UNC13C: variants seen among roughly 807,000 people sequenced by gnomAD.
UNC13C encodes the protein unc-13 homolog C, also known as protein unc-13 homolog C.
Under a neutral mutation model 245.4 loss-of-function variants are expected in UNC13C, and 174 were observed. The ratio of observed to expected loss-of-function variants is 0.71; its 90% confidence interval spans 0.63 to 0.80. The LOEUF (loss-of-function observed/expected upper bound fraction) is 0.80. UNC13C is among the 30% of genes least tolerant of loss of function. The probability of loss-of-function intolerance (pLI) is 0.00; values close to 1 mark genes in which losing one functional copy is unlikely to be tolerated. For synonymous variants in UNC13C, 992 were observed against 895.1 expected, an observed-to-expected ratio of 1.11 and a Z score of -1.93; for missense variants, 2,829 against 2,602.9, an observed-to-expected ratio of 1.09 and a Z score of -1.89.
intron 30 of UNC13C, among the ~76,000 whole-genome samples, chr15:54,584,766 A>G (rs1898400423): frequency 6.6e-6 from 1 of 152,248 alleles, no homozygotes; most frequent in South Asian, 2.1e-4. Context: ...TGGTCCTCTC[A>G]GTGACCCTAT....
At chr15:54,565,990 C>A (rs955110751) in intron 29 of UNC13C, among the ~76,000 whole-genome samples, 1 of 151,944 alleles carries the variant, frequency 6.6e-6, no homozygotes, top group African/African-American at 2.4e-5. Flanking sequence ...AATCATCTAT[C>A]ACTTTTGCTC....
intron 4 of UNC13C, among the ~76,000 whole-genome samples, chr15:54,157,738 G>T (rs184814158): frequency 1.4e-3 from 214 of 152,218 alleles, no homozygotes; most frequent in African/African-American, 5.0e-3. Flanking sequence ...CATGGTACTG[G>T]TATCAAAACA....
chr15:54,569,125 T>C (rs555163235), intron 30 of UNC13C, among the ~76,000 whole-genome samples: 2 of 152,274 alleles, frequency 1.3e-5, no homozygotes, highest in South Asian at 4.1e-4. Flanking sequence ...ATAAATAGTG[T>C]TGTAGCTTTA....
intron 19 of UNC13C, among the ~76,000 whole-genome samples, chr15:54,466,505 C>G (rs1892180002): frequency 6.6e-6 from 1 of 151,858 alleles, no homozygotes; most frequent in Admixed American, 6.6e-5. Flanking sequence ...TACTGGTATT[C>G]TGACGTATGT....
chr15:54,324,979 C>A (rs531969706), intron 14 of UNC13C, among the ~76,000 whole-genome samples: 1 of 151,844 alleles, frequency 6.6e-6, no homozygotes, highest in African/African-American at 2.4e-5. Flanking sequence ...TTTTTTTATT[C>A]CTCATCAGCT....
rs561606269 is a variant in UNC13C at position 54,122,420 on chromosome 15, C to G, written c.2984-20598C>G. ...TATATAATGAGATAATTTTAGGTTTCTTTTTTCAATCCTTTAACATGGTGA... is the reference window on the plus strand; with the variant it reads ...TATATAATGAGATAATTTTAGGTTTGTTTTTTCAATCCTTTAACATGGTGA... On this transcript the variant is annotated intron_variant, in intron 2 of 32. Coordinates refer to ENST00000260323, the MANE Select transcript of UNC13C (RefSeq NM_001080534.3). 3.3e-5 allele frequency among the ~76,000 whole-genome samples: 5 copies of G among 151,860 alleles called. No individual in the cohort carries two copies. The East Asian group carries it at 7.7e-4, about 23-fold the overall frequency.
At chr15:54,256,343 C>T (rs2036278846) in intron 8 of UNC13C, among the ~76,000 whole-genome samples, 1 of 152,144 alleles carries the variant, frequency 6.6e-6, no homozygotes, top group Non-Finnish European at 1.5e-5. Flanking sequence ...GACAATTCTA[C>T]GATATTGTGT....
intron 19 of UNC13C, among the ~76,000 whole-genome samples, chr15:54,429,524 A>G (rs562433681): frequency 6.6e-6 from 1 of 151,770 alleles, no homozygotes; most frequent in Non-Finnish European, 1.5e-5. Context: ...AACTATAACT[A>G]GTATTTCTCC....
intron 10 of UNC13C, among the ~76,000 whole-genome samples, chr15:54,286,666 G>A (rs1454302477): frequency 6.6e-6 from 1 of 152,068 alleles, no homozygotes; most frequent in Non-Finnish European, 1.5e-5. Flanking sequence ...CTCTATATCT[G>A]AAAATATTTG....
intron 26 of UNC13C, among the ~76,000 whole-genome samples, chr15:54,537,103 A>C (rs1200896438): frequency 6.6e-6 from 1 of 152,108 alleles, no homozygotes; most frequent in Non-Finnish European, 1.5e-5. Context: ...AAAAGATTCT[A>C]GATCTGATAA....
At chr15:54,618,733 A>C (rs1900610075) in intron 30 of UNC13C, among the ~76,000 whole-genome samples, 1 of 152,162 alleles carries the variant, frequency 6.6e-6, no homozygotes, top group Admixed American at 6.6e-5. Context: ...TGACTGAATT[A>C]AGCAGCTTTT....
chr15:53,938,417 A>T, the UNC13C span, among the ~76,000 whole-genome samples: 1 of 151,810 alleles, frequency 6.6e-6, no homozygotes, highest in East Asian at 1.9e-4. Context: ...CTCCCACATA[A>T]TAACACCTCA....
chr15:54,175,267 C>G (rs1236139598), intron 4 of UNC13C, among the ~76,000 whole-genome samples: 5 of 151,986 alleles, frequency 3.3e-5, no homozygotes, highest in African/African-American at 1.2e-4. Flanking sequence ...ATACCCAGAC[C>G]GATGTTTGAT....
chr15:54,537,958 T>G (rs1896058698), intron 26 of UNC13C, among the ~76,000 whole-genome samples: 1 of 150,438 alleles, frequency 6.6e-6, no homozygotes. Context: ...CAAAAGCAAT[T>G]GCAACAAAAA....
intron 19 of UNC13C, among the ~76,000 whole-genome samples, chr15:54,487,766 CAAAAAAAAAA>C (rs5812760): frequency 5.6e-4 from 35 of 62,772 alleles, no homozygotes; most frequent in Non-Finnish European, 7.3e-4. Context: ...GATTCCATCT[CAAAAAAAAAA>C]AAAAAAAAAA....
chr15:54,076,917 C>G (rs1898658841), intron 2 of UNC13C, among the ~76,000 whole-genome samples: 1 of 152,138 alleles, frequency 6.6e-6, no homozygotes, highest in African/African-American at 2.4e-5. Flanking sequence ...TAAAAATCCT[C>G]TTTGTAATAG....
chr15:54,381,127 G>A (rs894276058), intron 17 of UNC13C, among the ~76,000 whole-genome samples: 2 of 152,004 alleles, frequency 1.3e-5, no homozygotes, highest in Non-Finnish European at 2.9e-5. Flanking sequence ...TTTTGAGTTG[G>A]TTTTTGTGTC....
At chr15:54,249,825 AGG>A (rs1388122720) in intron 7 of UNC13C, among the ~76,000 whole-genome samples, 1 of 152,088 alleles carries the variant, frequency 6.6e-6, no homozygotes, top group Non-Finnish European at 1.5e-5. Flanking sequence ...GGGGCTGAGG[AGG>A]GGTGAAGTGT....
At chr15:53,964,274 CAA>C in the UNC13C span, among the ~76,000 whole-genome samples, 1 of 152,096 alleles carries the variant, frequency 6.6e-6, no homozygotes. Context: ...AGAGAATTAA[CAA>C]TTTTGCAGAG....
Sources: allele counts gnomAD v4.1 joint callset (sites outside exome capture counted in the v4.1 genomes callset), GRCh38; gene constraint gnomAD v4.1.1; transcripts MANE v1.5; gene names NCBI Gene and HGNC (gene_info 2026-07-23, HGNC 2026-07-21).